Variants in CSAG1 observed in about 807,000 individuals in gnomAD.
CSAG1 encodes the protein chondrosarcoma-associated gene 1 protein.
In CSAG1, 4 loss-of-function variants were observed where a neutral mutation model predicts 4.8. The ratio of observed to expected loss-of-function variants is 0.83; its 90% CI spans 0.41 to 1.90. CSAG1 has a LOEUF of 1.90. CSAG1 is among the 40% of genes most tolerant of loss of function. CSAG1 has a pLI of 0.03. For missense variants in CSAG1, 69 were observed against 59.5 expected (o/e 1.16, Z -0.53); for synonymous variants, 21 against 23.1 (o/e 0.91, Z 0.26).
chrX:152,731,260 A>G (rs782631727), intron 2 of CSAG1, among the ~76,000 whole-genome samples: 1 of 112,218 alleles, frequency 8.9e-6, no homozygotes, highest in East Asian at 2.8e-4. Flanking sequence ...TTTCCCTAAT[A>G]AAACGTTTTT....
chrX:152,732,021 T>A (rs1192043686), intron 2 of CSAG1, among the ~76,000 whole-genome samples: 8 of 112,044 alleles, frequency 7.1e-5, no homozygotes, highest in Admixed American at 1.9e-4. Flanking sequence ...GCTATAAGTA[T>A]CAAAATGAGT....
At chrX:152,727,915 T>G (rs1190536749) in intron 3 of CSAG1, 52 bp from the exon 4 acceptor site, 39 of 1,191,685 alleles carry the variant, frequency 3.3e-5, no homozygotes, top group Non-Finnish European at 4.2e-5. Flanking sequence ...GGGAAGAGGA[T>G]GGAGGAGGGG....
Position 152,731,557 on chromosome X carries a change from A to G in CSAG1, c.16+888T>C, listed in dbSNP as rs781817795. On this transcript the variant is annotated intron_variant, in intron 2 of 3. Transcript: ENST00000452779. The stretch of plus-strand genomic sequence containing the variant: ...ACAATTGTTCAGTTCATTCTCCCAG[A>G]CTAGCCCTCCTGGATTCAAAATCAG... Among the ~76,000 whole-genome samples, 7 of 111,571 alleles carry G rather than the reference A, an allele frequency of 6.3e-5. No individual in the cohort carries two copies. In the East Asian group the frequency reaches 1.4e-3, roughly 22 times the overall value.
At chrX:152,731,530 T>G (rs371338774) in intron 2 of CSAG1, among the ~76,000 whole-genome samples, 1 of 111,580 alleles carries the variant, frequency 9.0e-6, no homozygotes, top group Admixed American at 9.5e-5. Flanking sequence ...TACAAAAGAT[T>G]GACAATTGTT....
At chrX:152,728,005 C>T in intron 3 of CSAG1, 69 bp downstream of exon 3, 1 of 1,210,467 alleles carries the variant, frequency 8.3e-7, no homozygotes, top group East Asian at 3.0e-5. Context: ...GGAGTCAGAG[C>T]TTGGGTGGGC....
intron 2 of CSAG1, among the ~76,000 whole-genome samples, chrX:152,730,311 T>C (rs1456129456): frequency 8.9e-6 from 1 of 111,757 alleles, no homozygotes; most frequent in Non-Finnish European, 1.9e-5. Context: ...GAAACTAGTA[T>C]GGTAATACTG....
At chrX:152,728,846 AT>A (rs1932086218) in intron 2 of CSAG1, among the ~76,000 whole-genome samples, 1 of 111,307 alleles carries the variant, frequency 9.0e-6, no homozygotes, top group South Asian at 3.8e-4. Context: ...AGGCACAAAA[AT>A]GCTATCTTCT....
At chrX:152,733,424 C>A (rs183985530) in intron 1 of CSAG1, among the ~76,000 whole-genome samples, 54 of 111,514 alleles carry the variant, frequency 4.8e-4, no homozygotes, top group African/African-American at 1.5e-3. Flanking sequence ...ATAATGTCAC[C>A]CCGACCACAC....
chrX:152,733,363 G>A (rs1398431698), intron 1 of CSAG1: 4 of 112,317 alleles, frequency 3.6e-5, no homozygotes. Flanking sequence ...CACGTAGTGG[G>A]ACCACAGAAT....
At chrX:152,729,623 A>G (rs1185753290) in intron 2 of CSAG1, among the ~76,000 whole-genome samples, 1 of 112,111 alleles carries the variant, frequency 8.9e-6, no homozygotes, top group Admixed American at 9.5e-5. Context: ...GTGTTTTGTC[A>G]TTAGATAATT....
chrX:152,733,516 G>C (rs1209190252), intron 1 of CSAG1, among the ~76,000 whole-genome samples, 152 bp downstream of exon 1: 2 of 110,523 alleles, frequency 1.8e-5, no homozygotes, highest in Non-Finnish European at 3.8e-5. Context: ...AGAGGATGGC[G>C]GTCCAGGCTC....
intron 2 of CSAG1, among the ~76,000 whole-genome samples, chrX:152,729,841 C>T (rs1435901300): frequency 9.1e-6 from 1 of 109,702 alleles, no homozygotes; most frequent in African/African-American, 3.3e-5. Context: ...ATAGACTTAG[C>T]GTAAGATTCA....
chrX:152,727,890 G>A lies in CSAG1; in HGVS notation c.168-27C>T, dbSNP rs1556830618. 19 of 1,200,450 alleles carry A rather than the reference G, an allele frequency of 1.6e-5. No individual in the cohort carries two copies. In the African/African-American group the frequency reaches 2.6e-4, roughly 17 times the overall value. On this transcript the variant is annotated intron_variant, in intron 3 of 3. Coordinates refer to ENST00000452779, the MANE Select transcript of CSAG1 (RefSeq NM_001102576.3). ...TGGAAAGCCAACAGGGAGATCACAG[G>A]AGGGCACTGGTTTGGGGAAGAGGAT... is the stretch of plus-strand genomic sequence containing the variant.
At chrX:152,732,620 G>C (rs1932184563) in intron 1 of CSAG1, 116 bp from the exon 2 acceptor site, 1 of 906,527 alleles carries the variant, frequency 1.1e-6, no homozygotes, top group African/African-American at 1.9e-5. Context: ...GCTGGTACTT[G>C]TGTGTGACAC....
intron 3 of CSAG1, 48 bp from the exon 4 acceptor site, chrX:152,727,911 A>T: frequency 1.7e-6 from 2 of 1,193,927 alleles, no homozygotes; most frequent in Non-Finnish European, 2.3e-6. Flanking sequence ...TTTGGGGAAG[A>T]GGATGGAGGA....
intron 2 of CSAG1, among the ~76,000 whole-genome samples, chrX:152,731,442 T>C (rs1448813848): frequency 8.9e-6 from 1 of 112,236 alleles, no homozygotes; most frequent in Admixed American, 9.4e-5. Context: ...ACATTCCAGG[T>C]TAGGCAGTTT....
In CSAG1 at chrX:152,732,539, A is replaced by C. The variant is rs1212585114; in HGVS notation, c.-44-35T>G. On this transcript the variant is annotated intron_variant, in intron 1 of 3. Transcript: ENST00000452779. ...TATAGAATGGAAACAGAAAGTAAAA[A>C]ACCAGTATTAGCAAGAAAATCTACA... 4.5e-5 allele frequency: 54 copies of C among 1,199,172 alleles called. No homozygotes were observed. The East Asian group carries it at 6.9e-4, about 15-fold the overall frequency.
intron 1 of CSAG1, 84 bp from the exon 2 acceptor site, chrX:152,732,588 G>C: frequency 9.2e-7 from 1 of 1,091,784 alleles, no homozygotes; most frequent in Non-Finnish European, 1.3e-6. Flanking sequence ...CCAGTCCAGG[G>C]TGAGACTGAA....
intron 2 of CSAG1, 85 bp downstream of exon 2, chrX:152,732,360 A>G: frequency 9.0e-7 from 1 of 1,109,722 alleles, no homozygotes; most frequent in Non-Finnish European, 1.2e-6. Flanking sequence ...ACATACATAG[A>G]GGAGTATAAC....
Sources: gnomAD v4.1 joint callset for allele counts (sites outside exome capture counted in the v4.1 genomes callset) on GRCh38, gnomAD v4.1.1 for gene constraint, MANE v1.5 for transcripts, NCBI Gene and HGNC (gene_info 2026-07-23, HGNC 2026-07-21) for gene names.